The following PSME3IP1 variants were observed in gnomAD, a reference collection of about 807,000 sequenced individuals.
PSME3IP1 encodes the protein proteasome activator subunit 3 interacting protein 1.
In PSME3IP1, 13 loss-of-function variants were observed where a neutral mutation model predicts 34.1. The observed-to-expected ratio is 0.38, with a 90% CI of 0.25 to 0.61. The LOEUF is 0.61. PSME3IP1 is among the 20% of genes least tolerant of loss of function. The pLI is 0.60. For synonymous variants in PSME3IP1, 93 were observed against 114.3 expected, an observed-to-expected ratio of 0.81 and a Z score of 1.19; for missense variants, 237 against 301.4, an observed-to-expected ratio of 0.79 and a Z score of 1.58.
chr16:57,166,224 T>C (rs1398462174), intron 5 of PSME3IP1, among the ~76,000 whole-genome samples: 2 of 152,248 alleles, frequency 1.3e-5, no homozygotes, highest in Admixed American at 6.5e-5. Flanking sequence ...ATTTTCCTAA[T>C]AGACTGCACT....
chr16:57,177,718 T>C (rs999269332), intron 1 of PSME3IP1, among the ~76,000 whole-genome samples: 1 of 152,170 alleles, frequency 6.6e-6, no homozygotes, highest in African/African-American at 2.4e-5. Flanking sequence ...TTAAAACTAA[T>C]ATCTTAATTC....
chr16:57,178,453 A>C (rs2073398715), intron 1 of PSME3IP1: 1 of 686,042 alleles, frequency 1.5e-6, no homozygotes, highest in Admixed American at 6.3e-5. Context: ...CACAGTGCTT[A>C]TTATTATTAG....
intron 6 of PSME3IP1, among the ~76,000 whole-genome samples, chr16:57,159,649 C>T (rs1295179420): frequency 6.6e-6 from 1 of 152,144 alleles, no homozygotes; most frequent in African/African-American, 2.4e-5. Context: ...CAAAGGAGGA[C>T]ACTTCCTGCC....
rs1470446073 is a variant in PSME3IP1 at position 57,154,602 on chromosome 16, C to T, written c.548-95G>A. The T allele has an allele frequency of 9.4e-7, 1 of 1,058,442 alleles. No homozygotes were observed. Among genetic ancestry groups the T allele is most frequent in the East Asian group, 2.6e-5 (1 of 38,212 alleles). 65.6% of individuals were successfully genotyped at this position (1,058,442 alleles called of 1,614,324 possible). On this transcript the variant is annotated intron_variant, in intron 6 of 6. Transcript: ENST00000309137. This position sits in a 1 kb window ranked among gnomAD's most constrained non-coding sequence, Gnocchi z 4.0. ...CCAGGCACTGTACCAAGGGATTTTCCCACAGAGGAGCCTTAGAACAATGCT... is the reference window on the plus strand; with the variant it reads ...CCAGGCACTGTACCAAGGGATTTTCTCACAGAGGAGCCTTAGAACAATGCT...
chr16:57,185,394 G>T (rs148055391), intron 1 of PSME3IP1, among the ~76,000 whole-genome samples: 1 of 152,174 alleles, frequency 6.6e-6, no homozygotes, highest in Admixed American at 6.5e-5. Flanking sequence ...CTGGTACATG[G>T]CACACAATAA....
chr16:57,180,119 G>A (rs184307406), intron 1 of PSME3IP1, among the ~76,000 whole-genome samples: 10 of 152,126 alleles, frequency 6.6e-5, no homozygotes, highest in African/African-American at 1.4e-4. Context: ...AACATATTCC[G>A]GTAGCAAAGG....
chr16:57,159,528 C>T (rs942920142), intron 6 of PSME3IP1, among the ~76,000 whole-genome samples: 3 of 152,176 alleles, frequency 2.0e-5, no homozygotes, highest in Non-Finnish European at 2.9e-5. Context: ...TGGGGGAAGC[C>T]TGAATTTCTA....
At chr16:57,186,102 C>CGCTG, upstream of PSME3IP1, 1 of 985,496 alleles carries the variant, frequency 1.0e-6, no homozygotes, top group East Asian at 1.1e-4. Flanking sequence ...CCCGGGAGCC[C>CGCTG]GATGGAAATC....
intron 6 of PSME3IP1, among the ~76,000 whole-genome samples, chr16:57,161,636 C>T (rs1277066984): frequency 6.6e-6 from 1 of 151,608 alleles, no homozygotes; most frequent in African/African-American, 2.4e-5. Flanking sequence ...CCTCAGCCTC[C>T]CGAGTAGCTG....
In PSME3IP1 at chr16:57,156,532, G is replaced by A. The variant is rs1240792802; in HGVS notation, c.548-2025C>T. On this transcript the variant is annotated intron_variant, in intron 6 of 6. Coordinates refer to ENST00000309137, the MANE Select transcript of PSME3IP1 (RefSeq NM_024946.4). ...GTTTGTGCAAGAAGCTCTAAGAAGG[G>A]AAAAGGAAGTTGCCAAAGATAAGCA... Among the ~76,000 whole-genome samples the A allele has an allele frequency of 4.6e-5, 7 of 152,178 alleles. No homozygotes were observed. The East Asian group carries it at 1.3e-3, about 29-fold the overall frequency.
intron 1 of PSME3IP1, among the ~76,000 whole-genome samples, chr16:57,181,155 G>C (rs2073671704): frequency 6.6e-6 from 1 of 152,186 alleles, no homozygotes; most frequent in South Asian, 2.1e-4. Flanking sequence ...ATACACACTA[G>C]AAGAAAGATA....
chr16:57,171,324 CAAG>C (rs2072562833), intron 4 of PSME3IP1, among the ~76,000 whole-genome samples: 1 of 152,074 alleles, frequency 6.6e-6, no homozygotes, highest in African/African-American at 2.4e-5. Context: ...CTTCAAGATG[CAAG>C]AAGGAGGCGG....
chr16:57,154,230 G>C lies in PSME3IP1; in HGVS notation c.*60C>G. 2 of 1,458,670 alleles carry C rather than the reference G, an allele frequency of 1.4e-6. No homozygotes were observed. 90.4% of individuals were successfully genotyped at this position (1,458,670 alleles called of 1,614,324 possible). A position where few individuals can be genotyped will look rare whatever the true frequency, so the allele number is the denominator to read the frequency against. On this transcript the variant is annotated 3_prime_UTR_variant, in exon 7 of 7. Coordinates refer to ENST00000309137, the MANE Select transcript of PSME3IP1 (RefSeq NM_024946.4). The surrounding 1 kb of genome is among the most constrained non-coding windows in gnomAD (Gnocchi z 4.0). ...TTTTTTGAGGGACATAATGCCTATAGGCAGCATGAACGGTCCGATCTACCC... is the reference window on the plus strand; with the variant it reads ...TTTTTTGAGGGACATAATGCCTATACGCAGCATGAACGGTCCGATCTACCC...
At chr16:57,173,912 G>T in intron 1 of PSME3IP1, 43 bp from the exon 2 acceptor site, 1 of 1,567,164 alleles carries the variant, frequency 6.4e-7, no homozygotes, top group Non-Finnish European at 8.7e-7. Context: ...TTTCAAGTGA[G>T]AACTGCAATT....
chr16:57,167,782 C>A (rs2072069775), intron 4 of PSME3IP1, among the ~76,000 whole-genome samples: 1 of 152,158 alleles, frequency 6.6e-6, no homozygotes, highest in East Asian at 1.9e-4. Context: ...CCTCTAGAGG[C>A]CCGGGAGTTT....
chr16:57,170,227 C>T (rs1245292319), intron 4 of PSME3IP1, among the ~76,000 whole-genome samples: 2 of 152,014 alleles, frequency 1.3e-5, no homozygotes, highest in Non-Finnish European at 2.9e-5. Flanking sequence ...GGACTACAGG[C>T]ACAAGCCACC....
Position 57,184,709 on chromosome 16 carries a change from T to C in PSME3IP1, c.-16+1112A>G, listed in dbSNP as rs532171843. 1.3e-4 allele frequency among the ~76,000 whole-genome samples: 20 copies of C among 152,386 alleles called. 1 individual carries two copies. The South Asian group carries it at 4.1e-3, about 32-fold the overall frequency. The stretch of plus-strand genomic sequence containing the variant: ...GCTTGATTCTAACCAAGCATCACCA[T>C]TCTTGGAAGATGAAAGTGAAGACTG... On this transcript the variant is annotated intron_variant, in intron 1 of 6. Transcript: ENST00000309137.
rs767141143 is a variant in PSME3IP1 at position 57,167,205 on chromosome 16, T to G, written c.370A>C (p.Ile124Leu). 4 of 1,614,226 alleles carry G rather than the reference T, an allele frequency of 2.5e-6. No homozygotes were observed. The highest frequency in any genetic ancestry group is 3.3e-5 in the Admixed American group (2 of 60,034). Residue 124 changes from isoleucine to leucine, a missense_variant, in exon 5 of 7, where the codon ATT becomes CTT. By Grantham distance (5) the Ile-to-Leu change is conservative (BLOSUM62 2). Coordinates refer to ENST00000309137, the MANE Select transcript of PSME3IP1 (RefSeq NM_024946.4). ...EYRNNLKKVG[I>L]SQENKKEVEK... ...ACTTCCTTCTTGTTCTCTTGAGAAA[T>G]TCCAACCTTCTTGAGGTTATTGTGA...
intron 6 of PSME3IP1, among the ~76,000 whole-genome samples, chr16:57,157,313 CAAAAAA>C (rs751911757): frequency 1.2e-4 from 9 of 76,850 alleles, no homozygotes; most frequent in African/African-American, 4.7e-4. Context: ...AACCTATCTC[CAAAAAA>C]AAAAAAAAAA....
Sources: gnomAD v4.1 joint callset for allele counts (sites outside exome capture counted in the v4.1 genomes callset) on GRCh38, gnomAD v4.1.1 for gene constraint, Gnocchi (gnomAD v3.1) non-coding constraint, MANE v1.5 for transcripts, NCBI Gene and HGNC (gene_info 2026-07-23, HGNC 2026-07-21) for gene names.